Variants in SNX14 observed in about 807,000 individuals in gnomAD.
The protein encoded by SNX14 is sorting nexin 14, also known as sorting nexin-14.
SNX14 carries 93 observed loss-of-function variants against 133.8 expected under a neutral mutation model. That is an observed-to-expected ratio of 0.70 (90% CI 0.59 to 0.83). SNX14 has a LOEUF of 0.83. Ranked by LOEUF, SNX14 falls within the 40% of genes least tolerant of loss-of-function variation. The probability of loss-of-function intolerance (pLI) is 0.00; values close to 1 mark genes in which losing one functional copy is unlikely to be tolerated. For synonymous variants in SNX14, 368 were observed against 365.6 expected, an observed-to-expected ratio of 1.01 and a Z score of -0.07; for missense variants, 945 against 1,094.9, an observed-to-expected ratio of 0.86 and a Z score of 1.93.
intron 1 of SNX14, among the ~76,000 whole-genome samples, chr6:85,593,235 C>T (rs1583199156): frequency 1.3e-5 from 2 of 152,194 alleles, no homozygotes; most frequent in African/African-American, 4.8e-5. Context: ...ACTCCTCCGT[C>T]AGCTGACTTG....
At chr6:85,517,656 T>C in intron 23 of SNX14, 100 bp downstream of exon 23, 9 of 1,359,776 alleles carry the variant, frequency 6.6e-6, no homozygotes, top group Non-Finnish European at 8.9e-6. Context: ...TATAGCTCAA[T>C]CCATTTCATT....
At chr6:85,580,069 C>G (rs984921305) in intron 1 of SNX14, among the ~76,000 whole-genome samples, 1 of 152,122 alleles carries the variant, frequency 6.6e-6, no homozygotes, top group South Asian at 2.1e-4. Context: ...CTTGCAGGTC[C>G]GAAAGAGACC....
intron 21 of SNX14, among the ~76,000 whole-genome samples, chr6:85,522,141 A>C (rs1777097933): frequency 6.6e-6 from 1 of 152,216 alleles, no homozygotes; most frequent in Admixed American, 6.5e-5. Flanking sequence ...ACTTCGTAGG[A>C]GTTCAAATGT....
rs1269521016 is a variant in SNX14 at position 85,514,617 on chromosome 6, G to C, written c.2281C>G (p.Leu761Val). The change falls in exon 24 of 29, where the codon CTG (leucine) becomes GTG (valine). Residue 761 changes from leucine (L) to valine (V), a missense_variant. Leu to Val is a conservative substitution (Grantham distance 32). Around this residue, in one of 3 missense-constraint regions of SNX14, gnomAD observed 412 missense variants for 516.6 expected, o/e 0.80. Coordinates refer to ENST00000314673, the MANE Select transcript of SNX14 (RefSeq NM_153816.6). ...SENNKKLFNDLFKNNANRAEN... is the reference protein window; with the variant it reads ...SENNKKLFNDVFKNNANRAEN... ...GCACGGTTTGCATTATTTTTAAACAGATCATTGAAAAGCTAAAATAAAAGT... is the reference window on the plus strand; with the variant it reads ...GCACGGTTTGCATTATTTTTAAACACATCATTGAAAAGCTAAAATAAAAGT... 2 of 1,610,382 alleles carry C rather than the reference G, an allele frequency of 1.2e-6. No homozygotes were observed. The highest frequency in any genetic ancestry group is 2.7e-5 in the African/African-American group (2 of 74,810).
rs1582406735 is a variant in SNX14, at chr6:85,506,155, A to G, written c.2803-150T>C. ...CTGGCATATGGAGTGAGAAATATCT[A>G]TGTTCTAGATATGAGAAAAAAGGCA... is the stretch of plus-strand genomic sequence containing the variant. On this transcript the variant is annotated intron_variant, in intron 28 of 28. Transcript: ENST00000314673. The G allele has an allele frequency of 4.2e-5, 26 of 616,936 alleles. 1 individual carries two copies. The South Asian group carries it at 4.7e-4, about 11-fold the overall frequency. 38.2% of individuals were successfully genotyped at this position (616,936 alleles called of 1,614,324 possible).
chr6:85,536,671 G>A, intron 17 of SNX14, 121 bp downstream of exon 17: 1 of 850,262 alleles, frequency 1.2e-6, no homozygotes. Context: ...AGAAGATAAA[G>A]GTAAAGTATT....
intron 26 of SNX14, among the ~76,000 whole-genome samples, chr6:85,510,782 G>GT (rs1469130631): frequency 6.6e-6 from 1 of 152,140 alleles, no homozygotes; most frequent in Non-Finnish European, 1.5e-5. Flanking sequence ...AACAGTTGCT[G>GT]TAAGTCTGTT....
intron 21 of SNX14, among the ~76,000 whole-genome samples, chr6:85,520,427 G>A (rs568673494): frequency 4.0e-5 from 6 of 150,442 alleles, no homozygotes; most frequent in South Asian, 2.1e-4. Context: ...GTGCAATCTC[G>A]GCTCACTGTA....
At chr6:85,517,614 ACC>A (rs1775477866) in intron 23 of SNX14, 140 bp downstream of exon 23, 1 of 955,110 alleles carries the variant, frequency 1.0e-6, no homozygotes. Context: ...CCCTCTGTAT[ACC>A]GTTCAACTGA....
intron 7 of SNX14, among the ~76,000 whole-genome samples, chr6:85,556,047 G>A (rs773742298): frequency 7.9e-5 from 12 of 151,820 alleles, no homozygotes; most frequent in Middle Eastern, 3.4e-3. Flanking sequence ...TAATAATGAT[G>A]TATCAATATT....
chr6:85,525,228 T>C (rs1360255809), intron 21 of SNX14, among the ~76,000 whole-genome samples: 1 of 152,170 alleles, frequency 6.6e-6, no homozygotes, highest in East Asian at 1.9e-4. Context: ...ATATCTGTCA[T>C]AATAAAAATT....
In SNX14 at chr6:85,533,699, T is replaced by C. The variant is rs200524655; in HGVS notation, c.1710A>G (p.Pro570=). ...RNLAAWKISI[P]YVDFFEDPSS... is the part of the protein sequence containing the mutation. ...AGGGATCCTCAAAAAAGTCTACATA[T>C]GGAATGCTAATTTTCCATGCAGCAA... The change falls in exon 18 of 29, where the codon CCA becomes CCG. Residue 570 remains proline (P), a synonymous_variant. Transcript: ENST00000314673. The C allele has an allele frequency of 3.1e-4, 503 of 1,613,862 alleles. 2 individuals carry two copies. Among genetic ancestry groups the C allele is most frequent in the Non-Finnish European group, 3.9e-4 (464 of 1,180,030 alleles).
At chr6:85,583,443 G>C (rs1201703412) in intron 1 of SNX14, among the ~76,000 whole-genome samples, 1 of 152,180 alleles carries the variant, frequency 6.6e-6, no homozygotes, top group Non-Finnish European at 1.5e-5. Flanking sequence ...ATTCAAATAG[G>C]AAGAGAGGAA....
chr6:85,526,257 C>T lies in SNX14; in HGVS notation c.1996-20G>A, dbSNP rs560412878. On this transcript the variant is annotated intron_variant, in intron 20 of 28. Transcript: ENST00000314673. ...AAGTTTCTTGAATGAACAAAAAAAA[C>T]GGAAAACACAGTTTAGAAATCTAGA... 14 of 1,485,210 alleles carry T rather than the reference C, an allele frequency of 9.4e-6. No individual in the cohort carries two copies. Among genetic ancestry groups the T allele is most frequent in the African/African-American group, 1.4e-5 (1 of 71,106 alleles). 92.0% of individuals were successfully genotyped at this position (1,485,210 alleles called of 1,614,324 possible).
At chr6:85,574,681 A>G (rs1036481681) in intron 1 of SNX14, among the ~76,000 whole-genome samples, 2 of 152,194 alleles carry the variant, frequency 1.3e-5, no homozygotes, top group African/African-American at 2.4e-5. Context: ...TGTAGTATTC[A>G]TATCCCAACA....
chr6:85,543,168 A>G lies in SNX14; in HGVS notation c.1389+14T>C. 1 of 1,524,176 alleles carries G rather than the reference A, an allele frequency of 6.6e-7. No individual in the cohort carries two copies. Among genetic ancestry groups the G allele is most frequent in the Non-Finnish European group, 8.8e-7 (1 of 1,141,162 alleles). 94.4% of individuals were successfully genotyped at this position (1,524,176 alleles called of 1,614,324 possible). A position where few individuals can be genotyped will look rare whatever the true frequency, so the allele number is the denominator to read the frequency against. On this transcript the variant is annotated intron_variant, in intron 14 of 28. Transcript: ENST00000314673. ...GTATAAAAATCCTCAAACAAGGTTA[A>G]TATTTTGACTTACCTCATCACTATG...
At chr6:85,508,377 C>T (rs1213403309) in intron 26 of SNX14, 20 of 1,018,852 alleles carry the variant, frequency 2.0e-5, no homozygotes, top group Non-Finnish European at 2.2e-5. Context: ...TGTATTACCC[C>T]ACTAAGGGAA....
chr6:85,552,853 T>G (rs1214975411), intron 7 of SNX14, among the ~76,000 whole-genome samples: 1 of 152,196 alleles, frequency 6.6e-6, no homozygotes, highest in Non-Finnish European at 1.5e-5. Flanking sequence ...CATTCCTTTC[T>G]GCTAACCCCA....
Position 85,593,857 on chromosome 6 carries a change from A to T in SNX14, c.-139T>A. The T allele has an allele frequency of 4.8e-6, 7 of 1,465,148 alleles. No homozygotes were observed. The highest frequency in any genetic ancestry group is 5.5e-5 in the East Asian group (2 of 36,514). 90.8% of individuals were successfully genotyped at this position (1,465,148 alleles called of 1,614,324 possible). A position where few individuals can be genotyped will look rare whatever the true frequency, so the allele number is the denominator to read the frequency against. The stretch of plus-strand genomic sequence containing the variant: ...ACCGGCAGTTAGCCGCCGCAGGCTG[A>T]GGTCGCGTCCGGCTGGGCCCAGCCC... On this transcript the variant is annotated 5_prime_UTR_variant, in exon 1 of 29. Transcript: ENST00000314673.
Sources: gnomAD v4.1 joint callset for allele counts (sites outside exome capture counted in the v4.1 genomes callset) on GRCh38, gnomAD v4.1.1 for gene constraint, gnomAD v4.1.1 regional missense constraint, MANE v1.5 for transcripts, NCBI Gene and HGNC (gene_info 2026-07-23, HGNC 2026-07-21) for gene names.